Variants in KCNN3 observed in about 807,000 individuals in gnomAD.
KCNN3 encodes potassium calcium-activated channel subfamily N member 3, also known as small conductance calcium-activated potassium channel protein 3.
KCNN3 carries 16 observed loss-of-function variants against 62.9 expected under a neutral mutation model. That is an observed-to-expected ratio of 0.25 (90% CI 0.17 to 0.39). The LOEUF (loss-of-function observed/expected upper bound fraction) is 0.39. Among genes scored for constraint, KCNN3 ranks in the 10% least tolerant of loss-of-function variants. The probability of loss-of-function intolerance (pLI) is 1.00; values close to 1 mark genes in which losing one functional copy is unlikely to be tolerated. For synonymous variants in KCNN3, 370 were observed against 389.2 expected (o/e 0.95, Z 0.58); for missense variants, 599 against 949.4 (o/e 0.63, Z 4.85).
chr1:154,711,922 GA>G (rs1248976162), intron 7 of KCNN3, among the ~76,000 whole-genome samples: 1 of 151,806 alleles, frequency 6.6e-6, no homozygotes, highest in Non-Finnish European at 1.5e-5. Flanking sequence ...GAGGAAGAGA[GA>G]GACAGGGAAA....
At chr1:154,849,006 C>T (rs1327808515) in intron 1 of KCNN3, among the ~76,000 whole-genome samples, 1 of 152,196 alleles carries the variant, frequency 6.6e-6, no homozygotes, top group Non-Finnish European at 1.5e-5. Context: ...TATATTGGTA[C>T]AGACCTTTCC....
At chr1:154,852,806 G>A (rs921190551) in intron 1 of KCNN3, among the ~76,000 whole-genome samples, 19 of 151,914 alleles carry the variant, frequency 1.3e-4, no homozygotes, top group African/African-American at 2.7e-4. Flanking sequence ...AAATGACAGC[G>A]GTAGCTCCCA....
At chr1:154,794,654 G>C (rs1038480435) in intron 2 of KCNN3, among the ~76,000 whole-genome samples, 1 of 152,154 alleles carries the variant, frequency 6.6e-6, no homozygotes, top group Non-Finnish European at 1.5e-5. Context: ...CAGGCATTTT[G>C]GTCCATGGAT....
At chr1:154,843,134 G>A (rs1315405165) in intron 1 of KCNN3, among the ~76,000 whole-genome samples, 1 of 152,158 alleles carries the variant, frequency 6.6e-6, no homozygotes, top group South Asian at 2.1e-4. Context: ...GAAGAAGTAT[G>A]TTGAAATAAG....
At position 154,705,387 on chromosome 1, in the gene KCNN3, C is replaced by T. The variant is rs1557933051; in HGVS notation, c.*2589G>A. 1 of 151,582 alleles carries T rather than the reference C, an allele frequency of 6.6e-6. No homozygotes were observed. The highest frequency in any genetic ancestry group is 1.5e-5 in the Non-Finnish European group (1 of 67,860). The allele number at this position is 151,582 out of a possible 1,614,324, so 9.4% of individuals were successfully genotyped here. On this transcript the variant is annotated 3_prime_UTR_variant, in exon 8 of 8. Transcript: ENST00000271915. ...CAGGATCAATGTGCAGGTTTGATCA[C>T]TTTTTTTTTGAAGCATTTTCTTTTG...
rs1168502986 is a variant in KCNN3, at chr1:154,708,015, G to A, written c.2157C>T (p.Thr719=). The A allele has an allele frequency of 1.7e-5, 27 of 1,613,482 alleles. No homozygotes were observed. The highest frequency in any genetic ancestry group is 2.7e-5 in the African/African-American group (2 of 74,932). The part of the protein sequence containing the change: ...ISDSPIGVSS[T]SFPTPYTSSS... Reference sequence around the variant, plus strand: ...AACTTGTGTACGGGGTCGGGAAGGAGGTGGAGCTGACCCCAATGGGGCTAT... The same window carrying A: ...AACTTGTGTACGGGGTCGGGAAGGAAGTGGAGCTGACCCCAATGGGGCTAT... Residue 719 remains threonine, a synonymous_variant, in exon 8 of 8, where the codon ACC becomes ACT. Transcript: ENST00000271915.
intron 3 of KCNN3, among the ~76,000 whole-genome samples, chr1:154,733,922 C>A (rs1270042745): frequency 5.3e-5 from 8 of 152,198 alleles, no homozygotes; most frequent in African/African-American, 1.9e-4. Flanking sequence ...CCTCAGGGAC[C>A]CAGCCCAAGA....
Position 154,707,481 on chromosome 1 carries a change from A to T in KCNN3, c.*495T>A, listed in dbSNP as rs1345109044. ...ATATCTGTTTTGGCAAGTTGTGGGC[A>T]GCTCTCTTTTACTTTTGTCACCCAG... On this transcript the variant is annotated 3_prime_UTR_variant, in exon 8 of 8. Coordinates refer to ENST00000271915, the MANE Select transcript of KCNN3 (RefSeq NM_002249.6). 6.8e-6 allele frequency: 1 copy of T among 146,312 alleles called. No homozygotes were observed. Among genetic ancestry groups the T allele is most frequent in the Non-Finnish European group, 1.5e-5 (1 of 67,386 alleles). 9.1% of individuals were successfully genotyped at this position (146,312 alleles called of 1,614,324 possible). A position where few individuals can be genotyped will look rare whatever the true frequency, so the allele number is the denominator to read the frequency against.
At chr1:154,775,473 T>C (rs924338314) in intron 2 of KCNN3, among the ~76,000 whole-genome samples, 5 of 152,116 alleles carry the variant, frequency 3.3e-5, no homozygotes, top group Admixed American at 2.6e-4. Context: ...GAGGAGACAA[T>C]GGATTGAAAG....
chr1:154,724,092 C>T (rs1287622645), intron 5 of KCNN3, among the ~76,000 whole-genome samples: 3 of 152,182 alleles, frequency 2.0e-5, no homozygotes, highest in Non-Finnish European at 2.9e-5. Flanking sequence ...AATATTTGCC[C>T]GTACCAGTTC....
At position 154,725,958 on chromosome 1, in the gene KCNN3, C is replaced by T; in HGVS notation, c.1659G>A (p.Lys553=). Residue 553 remains lysine, a synonymous_variant, in exon 5 of 8, where the codon AAG becomes AAA. Coordinates refer to ENST00000271915, the MANE Select transcript of KCNN3 (RefSeq NM_002249.6). The part of the protein sequence containing the change: ...ARKLELTKAE[K]HVHNFMMDTQ... ...TGTCCATCATGAAGTTATGAACGTG[C>T]TTCTCCGCTTTGGTGAGTTCCAGCT... 1 of 1,614,186 alleles carries T rather than the reference C, an allele frequency of 6.2e-7. No individual in the cohort carries two copies. Among genetic ancestry groups the T allele is most frequent in the South Asian group, 1.1e-5 (1 of 91,090 alleles).
chr1:154,843,301 C>G (rs1558003479), intron 1 of KCNN3, among the ~76,000 whole-genome samples: 1 of 152,128 alleles, frequency 6.6e-6, no homozygotes, highest in Non-Finnish European at 1.5e-5. Flanking sequence ...GCTGCCCCAT[C>G]CAGGTTCTAG....
chr1:154,752,515 G>A (rs1006771454), intron 3 of KCNN3, among the ~76,000 whole-genome samples: 23 of 152,194 alleles, frequency 1.5e-4, no homozygotes, highest in Non-Finnish European at 5.9e-5. Flanking sequence ...GGCCAGCAGT[G>A]AGACCCTGGC....
At chr1:154,763,147 G>A (rs1648099574) in intron 3 of KCNN3, among the ~76,000 whole-genome samples, 1 of 151,988 alleles carries the variant, frequency 6.6e-6, no homozygotes, top group Admixed American at 6.5e-5. Context: ...AACATCCTAA[G>A]AATCAGTAGT....
intron 1 of KCNN3, among the ~76,000 whole-genome samples, chr1:154,840,281 A>G (rs1651773533): frequency 6.6e-6 from 1 of 152,200 alleles, no homozygotes; most frequent in South Asian, 2.1e-4. Context: ...TTGTGCTATT[A>G]AAAGATCCAC....
chr1:154,865,368 A>G (rs1263709408), intron 1 of KCNN3, among the ~76,000 whole-genome samples: 1 of 148,804 alleles, frequency 6.7e-6, no homozygotes, highest in Non-Finnish European at 1.5e-5. Context: ...AAAAAAAAGG[A>G]CTCCTCATTT....
chr1:154,859,772 G>C (rs1652688351), intron 1 of KCNN3: 7 of 1,614,012 alleles, frequency 4.3e-6, no homozygotes, highest in Non-Finnish European at 5.9e-6. Flanking sequence ...GGCAGGCCTG[G>C]TATCAGCAAG....
chr1:154,867,993 G>T, intron 1 of KCNN3: 2 of 985,300 alleles, frequency 2.0e-6, no homozygotes, highest in African/African-American at 3.5e-5. Context: ...CCCCTCCTCC[G>T]TCTTGGGGCT....
At chr1:154,820,341 C>T (rs749118493) in intron 2 of KCNN3, among the ~76,000 whole-genome samples, 1 of 152,228 alleles carries the variant, frequency 6.6e-6, no homozygotes, top group Non-Finnish European at 1.5e-5. Flanking sequence ...TCAGGCCTAG[C>T]ACCACCAAAG....
Sources: gnomAD v4.1 joint callset for allele counts (sites outside exome capture counted in the v4.1 genomes callset) on GRCh38, gnomAD v4.1.1 for gene constraint, MANE v1.5 for transcripts, NCBI Gene and HGNC (gene_info 2026-07-23, HGNC 2026-07-21) for gene names.